ZC2HC1B: variants seen among roughly 807,000 people sequenced by gnomAD.
ZC2HC1B encodes zinc finger C2HC-type containing 1B, also known as zinc finger C2HC domain-containing protein 1B.
ZC2HC1B carries 36 observed loss-of-function variants against 31.0 expected under a neutral mutation model. The ratio of observed to expected loss-of-function variants is 1.16; its 90% confidence interval spans 0.89 to 1.54. The LOEUF (loss-of-function observed/expected upper bound fraction) is 1.54, where lower values mean the gene tolerates loss of function less well. Among genes scored for constraint, ZC2HC1B ranks in the 40% most tolerant of loss-of-function variants. The pLI, the probability that ZC2HC1B is intolerant of heterozygous loss-of-function variation, is 0.00. For missense variants in ZC2HC1B, 260 were observed against 268.6 expected, an observed-to-expected ratio of 0.97 and a Z score of 0.22; for synonymous variants, 73 against 88.0, an observed-to-expected ratio of 0.83 and a Z score of 0.95.
Position 143,883,881 on chromosome 6 carries a change from T to C in ZC2HC1B, c.29-423T>C, listed in dbSNP as rs1018922914. ...CCTTACTATGGGTCAAGTACTTGCA[T>C]TGGGCATAAAATAGGCACAGTCTCA... is the stretch of plus-strand genomic sequence containing the variant. On this transcript the variant is annotated intron_variant, in intron 1 of 7. Coordinates refer to ENST00000237275, the MANE Select transcript of ZC2HC1B (RefSeq NM_001013623.3). This position sits in a 1 kb window ranked among gnomAD's most constrained non-coding sequence, Gnocchi z 4.1. 2.6e-5 allele frequency among the ~76,000 whole-genome samples: 4 copies of C among 152,212 alleles called. No homozygotes were observed. Among genetic ancestry groups the C allele is most frequent in the African/African-American group, 9.6e-5 (4 of 41,460 alleles).
chr6:143,931,992 G>T (rs1778127165), intron 6 of ZC2HC1B, among the ~76,000 whole-genome samples: 1 of 151,554 alleles, frequency 6.6e-6, no homozygotes, highest in South Asian at 2.1e-4. Context: ...AGCCTCCCAA[G>T]TAGCTAGGAT....
chr6:143,875,343 C>A (rs1777393002), intron 1 of ZC2HC1B, among the ~76,000 whole-genome samples: 1 of 137,004 alleles, frequency 7.3e-6, no homozygotes, highest in Non-Finnish European at 1.6e-5. Flanking sequence ...ACTCCACCAT[C>A]ATTATGCCTT....
chr6:143,884,513 C>A lies in ZC2HC1B; in HGVS notation c.90+148C>A, dbSNP rs1159290321. 4 of 628,282 alleles carry A rather than the reference C, an allele frequency of 6.4e-6. No individual in the cohort carries two copies. The highest frequency in any genetic ancestry group is 1.0e-5 in the Non-Finnish European group (4 of 397,702). The allele number at this position is 628,282 out of a possible 1,614,324, so 38.9% of individuals were successfully genotyped here. On this transcript the variant is annotated intron_variant, in intron 2 of 7. Transcript: ENST00000237275. This position sits in a 1 kb window ranked among gnomAD's most constrained non-coding sequence, Gnocchi z 5.1. Reference sequence around the variant, plus strand: ...GTACATAACCTATGGCTGGTGGGCCCAGAGAACACTGAGGCAGATTGATGC... The same window carrying A: ...GTACATAACCTATGGCTGGTGGGCCAAGAGAACACTGAGGCAGATTGATGC...
Position 143,898,589 on chromosome 6 carries a change from T to G in ZC2HC1B, c.387T>G (p.Asn129Lys), listed in dbSNP as rs1181408974. ...GTCCATATTGTATGAGAAGGTTTAA[T>G]GAAAGCGCAGCTGAGCGACATACTA... ...IQRPYCMRRF[N>K]ESAAERHTNF... The change falls in exon 5 of 8, where the codon AAT becomes AAG. Residue 129 changes from asparagine (N) to lysine (K), a missense_variant. Transcript: ENST00000237275. The G allele has an allele frequency of 3.9e-6, 6 of 1,551,686 alleles. No homozygotes were observed. In the African/African-American group the frequency reaches 8.2e-5, roughly 21 times the overall value.
intron 6 of ZC2HC1B, among the ~76,000 whole-genome samples, chr6:143,914,531 CAT>C (rs1275594068): frequency 1.3e-5 from 2 of 152,128 alleles, no homozygotes; most frequent in Non-Finnish European, 2.9e-5. Context: ...CCTTGAGAAA[CAT>C]ATATTGCTGT....
Position 143,915,503 on chromosome 6 carries a change from C to T in ZC2HC1B, c.598+12351C>T, listed in dbSNP as rs1777906786. On this transcript the variant is annotated intron_variant, in intron 6 of 7. Transcript: ENST00000237275. This position sits in a 1 kb window ranked among gnomAD's most constrained non-coding sequence, Gnocchi z 5.2. ...TGGAAGTGACTTTGGAACAGGGTAACAGGCAGAGGTTGGAACAGTTTGGAG... is the reference window on the plus strand; with the variant it reads ...TGGAAGTGACTTTGGAACAGGGTAATAGGCAGAGGTTGGAACAGTTTGGAG... Among the ~76,000 whole-genome samples, 1 of 152,180 alleles carries T rather than the reference C, an allele frequency of 6.6e-6. No homozygotes were observed. Among genetic ancestry groups the T allele is most frequent in the Non-Finnish European group, 1.5e-5 (1 of 68,040 alleles).
intron 1 of ZC2HC1B, chr6:143,881,898 T>C (rs1248568602): frequency 6.6e-6 from 1 of 152,206 alleles, no homozygotes; most frequent in Admixed American, 6.5e-5. Flanking sequence ...TCTGTCAGTA[T>C]TTTAAATTCA....
chr6:143,891,095 C>T (rs1258722388), intron 4 of ZC2HC1B, among the ~76,000 whole-genome samples: 1 of 138,752 alleles, frequency 7.2e-6, no homozygotes, highest in African/African-American at 2.8e-5. Context: ...CGCACCACTG[C>T]AGTCTATCCT....
chr6:143,929,032 C>T (rs1778086092), intron 6 of ZC2HC1B, among the ~76,000 whole-genome samples: 1 of 152,084 alleles, frequency 6.6e-6, no homozygotes, highest in Admixed American at 6.6e-5. Context: ...ATTTCATCAG[C>T]AAACAAAGAT....
Position 143,865,630 on chromosome 6 carries a change from C to G in ZC2HC1B, c.28+1063C>G, listed in dbSNP as rs776572002. ...TTTATTTATTGCTTTATCCTTAGGT[C>G]TGGAAGGGTGCCTGGCATTCAGTAT... is the stretch of plus-strand genomic sequence containing the variant. On this transcript the variant is annotated intron_variant, in intron 1 of 7. Transcript: ENST00000237275. This position sits in a 1 kb window ranked among gnomAD's most constrained non-coding sequence, Gnocchi z 4.4. Among the ~76,000 whole-genome samples the G allele has an allele frequency of 6.6e-5, 10 of 152,100 alleles. No homozygotes were observed. The highest frequency in any genetic ancestry group is 1.0e-4 in the Non-Finnish European group (7 of 68,028).
chr6:143,886,973 G>T lies in ZC2HC1B; in HGVS notation c.349+152G>T, dbSNP rs1403806743. Among the ~76,000 whole-genome samples the T allele has an allele frequency of 7.9e-5, 12 of 151,972 alleles. No homozygotes were observed. The South Asian group carries it at 8.3e-4, about 11-fold the overall frequency. On this transcript the variant is annotated intron_variant, in intron 4 of 7. Coordinates refer to ENST00000237275, the MANE Select transcript of ZC2HC1B (RefSeq NM_001013623.3). This position sits in a 1 kb window ranked among gnomAD's most constrained non-coding sequence, Gnocchi z 4.2. ...TAAACATCCTATTTTTTTCAATTCT[G>T]CATAAAGATTCTGTGTTTCCTTCTA...
intron 1 of ZC2HC1B, among the ~76,000 whole-genome samples, chr6:143,866,245 G>C (rs777502561): frequency 6.6e-6 from 1 of 152,222 alleles, no homozygotes; most frequent in Non-Finnish European, 1.5e-5. Context: ...AACATGGTAA[G>C]CCAAAAATGC....
rs539786297 is a variant in ZC2HC1B, at chr6:143,925,265, TC to T, written c.599-12381del. 3.4e-4 allele frequency among the ~76,000 whole-genome samples: 47 copies of T among 137,592 alleles called. 1 individual carries two copies. In the East Asian group the frequency reaches 0.01, roughly 31 times the overall value. 90.3% of individuals were successfully genotyped at this position (137,592 alleles called of 152,430 possible). A position where few individuals can be genotyped will look rare whatever the true frequency, so the allele number is the denominator to read the frequency against. On this transcript the variant is annotated intron_variant, in intron 6 of 7. Transcript: ENST00000237275. The stretch of plus-strand genomic sequence containing the variant: ...ATCTCCCCTCACTGCAAGCTCCGCC[TC>T]CCGGGTTCACGCCATTCTCCTGCGT...
At chr6:143,877,699 C>T (rs571329784) in intron 1 of ZC2HC1B, among the ~76,000 whole-genome samples, 1 of 150,316 alleles carries the variant, frequency 6.7e-6, no homozygotes, top group East Asian at 1.9e-4. Context: ...GTTTGCTCAT[C>T]ATTAAGACTG....
chr6:143,934,512 GC>G lies in ZC2HC1B; in HGVS notation c.599-3136del, dbSNP rs1220609236. On this transcript the variant is annotated intron_variant, in intron 6 of 7. Transcript: ENST00000237275. The surrounding 1 kb of genome is among the most constrained non-coding windows in gnomAD (Gnocchi z 4.6). ...TCCTTTGGAGGAGTCATATTTTCTT[GC>G]ATTTTTATGTTTCTTGTGTTCCTAT... Among the ~76,000 whole-genome samples, 7 of 152,124 alleles carry G rather than the reference GC, an allele frequency of 4.6e-5. No individual in the cohort carries two copies. Among genetic ancestry groups the G allele is most frequent in the Non-Finnish European group, 8.8e-5 (6 of 68,026 alleles).
At chr6:143,912,370 T>G (rs1777870753) in intron 6 of ZC2HC1B, among the ~76,000 whole-genome samples, 1 of 152,242 alleles carries the variant, frequency 6.6e-6, no homozygotes, top group Non-Finnish European at 1.5e-5. Context: ...TTCAGTGTTT[T>G]TGCATTGCTT....
chr6:143,890,520 C>T (rs1383814686), intron 4 of ZC2HC1B, among the ~76,000 whole-genome samples: 5 of 151,892 alleles, frequency 3.3e-5, no homozygotes, highest in Non-Finnish European at 5.9e-5. Flanking sequence ...AACACTTTCC[C>T]ACTGAGATCA....
rs1554237238 is a variant in ZC2HC1B at position 143,882,334 on chromosome 6, T to TATATATATATATA, written c.29-1970_29-1969insATATATATATATA. On this transcript the variant is annotated intron_variant, in intron 1 of 7. Coordinates refer to ENST00000237275, the MANE Select transcript of ZC2HC1B (RefSeq NM_001013623.3). ...AATATGTATACATATTTTATATTTT[T>TATATATATATATA]TATATATATATATATATATATATAT... 3.3e-3 allele frequency among the ~76,000 whole-genome samples: 278 copies of TATATATATATATA among 85,434 alleles called. 1 individual carries two copies. Among genetic ancestry groups the TATATATATATATA allele is most frequent in the African/African-American group, 0.011 (168 of 15,648 alleles). The allele number at this position is 85,434 out of a possible 152,430, so 56.0% of individuals were successfully genotyped here.
At chr6:143,914,867 C>T (rs1777899298) in intron 6 of ZC2HC1B, among the ~76,000 whole-genome samples, 1 of 152,052 alleles carries the variant, frequency 6.6e-6, no homozygotes, top group African/African-American at 2.4e-5. Context: ...CTTTTTCCAT[C>T]CTTTCAATTT....
Sources: allele counts gnomAD v4.1 joint callset (sites outside exome capture counted in the v4.1 genomes callset), GRCh38; gene constraint gnomAD v4.1.1; non-coding constraint Gnocchi (gnomAD v3.1); transcripts MANE v1.5; gene names NCBI Gene and HGNC (gene_info 2026-07-23, HGNC 2026-07-21).